Variants in VCL observed in about 807,000 individuals in gnomAD.
The protein encoded by VCL is epididymis luminal protein 114.
A neutral mutation model predicts 125.7 loss-of-function variants in VCL; 47 were observed. That is an observed-to-expected ratio of 0.37 (90% CI 0.30 to 0.48). The LOEUF is 0.48. Among genes scored for constraint, VCL ranks in the 20% least tolerant of loss-of-function variants. The pLI, the probability that VCL is intolerant of heterozygous loss-of-function variation, is 0.99. For missense variants in VCL, 1,069 were observed against 1,455.5 expected (o/e 0.73, Z 4.32); for synonymous variants, 458 against 514.6 (o/e 0.89, Z 1.49).
chr10:74,037,175 C>T (rs563643463), intron 1 of VCL, among the ~76,000 whole-genome samples: 17 of 152,116 alleles, frequency 1.1e-4, no homozygotes, highest in Non-Finnish European at 1.9e-4. Context: ...ACCTTGTGAT[C>T]TACCCACTTA....
chr10:74,086,188 G>A (rs879504183), intron 8 of VCL, among the ~76,000 whole-genome samples: 9 of 152,128 alleles, frequency 5.9e-5, no homozygotes, highest in South Asian at 2.1e-4. Flanking sequence ...TCTTAAAGGC[G>A]TGGTTCTTAA....
At chr10:74,089,990 C>T (rs1369742340) in intron 9 of VCL, 33 bp from the exon 10 acceptor site, 3 of 1,613,890 alleles carry the variant, frequency 1.9e-6, no homozygotes, top group East Asian at 2.2e-5. Flanking sequence ...GTGAGTAGAT[C>T]ACAGCGTGCT....
chr10:74,008,962 A>G (rs113393379), intron 1 of VCL, among the ~76,000 whole-genome samples: 445 of 152,318 alleles, frequency 2.9e-3, no homozygotes, highest in Non-Finnish European at 4.6e-3. Flanking sequence ...TTAAGCTTCA[A>G]CAACTTTCAG....
At chr10:74,108,599 C>T (rs1207807951) in intron 17 of VCL, among the ~76,000 whole-genome samples, 19 of 152,128 alleles carry the variant, frequency 1.2e-4, no homozygotes, top group Admixed American at 1.2e-3. Flanking sequence ...CCTGCCTCAG[C>T]TTCTTGAGTA....
chr10:74,034,331 A>G (rs1220780630), intron 1 of VCL, among the ~76,000 whole-genome samples: 1 of 151,886 alleles, frequency 6.6e-6, no homozygotes, highest in Non-Finnish European at 1.5e-5. Flanking sequence ...TCTACCCAGT[A>G]CCCCATTTTC....
intron 1 of VCL, among the ~76,000 whole-genome samples, chr10:74,027,209 A>G (rs1441648147): frequency 6.6e-6 from 1 of 152,046 alleles, no homozygotes; most frequent in Non-Finnish European, 1.5e-5. Flanking sequence ...ATTCACACAT[A>G]TTTCCTTTTA....
intron 14 of VCL, among the ~76,000 whole-genome samples, chr10:74,101,624 C>G (rs1392843057): frequency 7.3e-6 from 1 of 137,518 alleles, no homozygotes; most frequent in African/African-American, 2.8e-5. Flanking sequence ...GGCGCAATCT[C>G]GGCTCACTGC....
Position 74,112,004 on chromosome 10 carries a change from C to A in VCL, c.2841C>A (p.Asp947Glu). The change falls in exon 19 of 22, where the codon GAC becomes GAA. Residue 947 changes from aspartate (D) to glutamate (E), a missense_variant. Physicochemically the swap from Asp to Glu is conservative, Grantham distance 45 (BLOSUM62 2). Around this residue, in one of 6 missense-constraint regions of VCL, gnomAD observed 86 missense variants for 91.0 expected, o/e 0.95. Transcript: ENST00000211998. Reference sequence around the variant, plus strand: ...TCCCTGTCCCCCCTGACATGGAAGACGATTACGAACCTGAGCTGCTGTTAA... The same window carrying A: ...TCCCTGTCCCCCCTGACATGGAAGAAGATTACGAACCTGAGCTGCTGTTAA... ...AGFPVPPDMEDDYEPELLLMP... is the reference protein window; with the variant it reads ...AGFPVPPDMEEDYEPELLLMP... 6.2e-7 allele frequency: 1 copy of A among 1,614,166 alleles called. No homozygotes were observed. The highest frequency in any genetic ancestry group is 8.5e-7 in the Non-Finnish European group (1 of 1,180,034).
chr10:74,086,143 G>C (rs527260629), intron 8 of VCL, among the ~76,000 whole-genome samples: 1 of 152,136 alleles, frequency 6.6e-6, no homozygotes, highest in South Asian at 2.1e-4. Context: ...CTGGGATTAC[G>C]GGTGTGAGCC....
chr10:74,051,772 T>C (rs923159899), intron 2 of VCL, among the ~76,000 whole-genome samples: 2 of 152,238 alleles, frequency 1.3e-5, no homozygotes, highest in African/African-American at 2.4e-5. Context: ...TTGGTGATTA[T>C]GTTGCAGGAC....
At chr10:74,053,963 C>A (rs1164665172) in intron 2 of VCL, among the ~76,000 whole-genome samples, 3 of 151,978 alleles carry the variant, frequency 2.0e-5, no homozygotes, top group East Asian at 3.9e-4. Context: ...TTTCAAAATT[C>A]TTTTTAATAT....
chr10:74,101,915 G>C (rs1840064182), intron 14 of VCL, among the ~76,000 whole-genome samples: 2 of 149,720 alleles, frequency 1.3e-5, no homozygotes, highest in Non-Finnish European at 1.5e-5. Flanking sequence ...ACCCAGGCTG[G>C]AGTCCAATGG....
intron 6 of VCL, among the ~76,000 whole-genome samples, chr10:74,077,973 T>C (rs1839618405): frequency 6.6e-6 from 1 of 152,172 alleles, no homozygotes; most frequent in Non-Finnish European, 1.5e-5. Flanking sequence ...AAAATTAGGT[T>C]AGCATTTTTT....
At position 74,071,929 on chromosome 10, in the gene VCL, A is replaced by G. The variant is rs766824276; in HGVS notation, c.500-801A>G. 6.6e-6 allele frequency among the ~76,000 whole-genome samples: 1 copy of G among 152,216 alleles called. No individual in the cohort carries two copies. The highest frequency in any genetic ancestry group is 1.5e-5 in the Non-Finnish European group (1 of 68,044). On this transcript the variant is annotated intron_variant, in intron 4 of 21. Transcript: ENST00000211998. The surrounding 1 kb of genome is among the most constrained non-coding windows in gnomAD (Gnocchi z 4.1). The stretch of plus-strand genomic sequence containing the variant: ...ATTTCTCATAATACTGGCGAAAATT[A>G]TATTTCCCCAAATGGAATCTTATGC...
At chr10:74,105,575 T>G (rs368114841) in intron 16 of VCL, among the ~76,000 whole-genome samples, 1 of 152,138 alleles carries the variant, frequency 6.6e-6, no homozygotes, top group South Asian at 2.1e-4. Flanking sequence ...CTCTGTGCTT[T>G]CTTTTTTTTT....
At chr10:74,074,548 C>G (rs1012582465) in intron 5 of VCL, among the ~76,000 whole-genome samples, 195 bp from the exon 6 acceptor site, 1 of 151,990 alleles carries the variant, frequency 6.6e-6, no homozygotes, top group Non-Finnish European at 1.5e-5. Flanking sequence ...CTTGAGTTTT[C>G]TTTTTCTTTT....
At chr10:74,041,037 C>CAAGG (rs1841085265) in intron 1 of VCL, among the ~76,000 whole-genome samples, 1 of 152,080 alleles carries the variant, frequency 6.6e-6, no homozygotes, top group Admixed American at 6.6e-5. Context: ...TGTGTAGAGA[C>CAAGG]AAGGTCTCAC....
At chr10:74,040,354 T>TA (rs1841071435) in intron 1 of VCL, among the ~76,000 whole-genome samples, 1 of 152,236 alleles carries the variant, frequency 6.6e-6, no homozygotes, top group African/African-American at 2.4e-5. Context: ...CTGAATAACT[T>TA]ACTATTTTCT....
chr10:74,117,298 C>G (rs1330020516), intron 21 of VCL, among the ~76,000 whole-genome samples: 1 of 152,126 alleles, frequency 6.6e-6, no homozygotes, highest in Non-Finnish European at 1.5e-5. Context: ...ACCCTCAAAA[C>G]TCCCAAACAA....
Sources: gnomAD v4.1 joint callset for allele counts (sites outside exome capture counted in the v4.1 genomes callset) on GRCh38, gnomAD v4.1.1 for gene constraint, gnomAD v4.1.1 regional missense constraint, Gnocchi (gnomAD v3.1) non-coding constraint, MANE v1.5 for transcripts, NCBI Gene and HGNC (gene_info 2026-07-23, HGNC 2026-07-21) for gene names.